Variants in IMMP2L observed in about 807,000 individuals in gnomAD.
The protein encoded by IMMP2L is inner mitochondrial membrane peptidase subunit 2, also known as mitochondrial inner membrane protease subunit 2.
IMMP2L carries 18 observed loss-of-function variants against 19.3 expected under a neutral mutation model. The observed-to-expected ratio is 0.93, with a 90% confidence interval of 0.64 to 1.38. IMMP2L has a LOEUF of 1.38. IMMP2L is among the 40% of genes most tolerant of loss of function. IMMP2L has a pLI of 0.00. For synonymous variants in IMMP2L, 76 were observed against 73.0 expected (o/e 1.04, Z -0.21); for missense variants, 233 against 218.2 (o/e 1.07, Z -0.43).
At chr7:110,703,221 TTA>T (rs1794407040) in intron 5 of IMMP2L, among the ~76,000 whole-genome samples, 1 of 152,176 alleles carries the variant, frequency 6.6e-6, no homozygotes, top group Non-Finnish European at 1.5e-5. Context: ...TCTCATTATG[TTA>T]ATATAAGTTA....
At chr7:111,500,157 T>C (rs1844041023) in intron 2 of IMMP2L, among the ~76,000 whole-genome samples, 1 of 152,130 alleles carries the variant, frequency 6.6e-6, no homozygotes, top group African/African-American at 2.4e-5. Flanking sequence ...CAGGAGATTA[T>C]ATCCCGCACC....
intron 3 of IMMP2L, among the ~76,000 whole-genome samples, chr7:111,142,325 CAAAAAAAAAAA>C (rs761556733): frequency 5.0e-4 from 31 of 62,476 alleles, no homozygotes; most frequent in African/African-American, 1.7e-3. Context: ...GACTCTGTCT[CAAAAAAAAAAA>C]AAAAAAAGAA....
chr7:111,033,955 T>C lies in IMMP2L; in HGVS notation c.240-70390A>G, dbSNP rs376259528. 3.3e-4 allele frequency among the ~76,000 whole-genome samples: 51 copies of C among 152,278 alleles called. 1 individual carries two copies. The South Asian group carries it at 9.9e-3, about 30-fold the overall frequency. Reference sequence around the variant, plus strand: ...AAAATAGATCACTGAGAATAAACTATAGTGACATAAAGCACATCAGTAGTT... The same window carrying C: ...AAAATAGATCACTGAGAATAAACTACAGTGACATAAAGCACATCAGTAGTT... On this transcript the variant is annotated intron_variant, in intron 3 of 5. Transcript: ENST00000405709.
intron 5 of IMMP2L, among the ~76,000 whole-genome samples, chr7:110,751,885 C>A (rs1169875750): frequency 6.6e-6 from 1 of 151,906 alleles, no homozygotes; most frequent in Non-Finnish European, 1.5e-5. Context: ...TAATCACATG[C>A]ATCCCAAAAC....
intron 5 of IMMP2L, among the ~76,000 whole-genome samples, chr7:110,737,536 G>C (rs1326759313): frequency 6.6e-6 from 1 of 152,290 alleles, no homozygotes; most frequent in East Asian, 1.9e-4. Flanking sequence ...AGAAGAGGTT[G>C]AGCTCAGACA....
At position 111,034,068 on chromosome 7, in the gene IMMP2L, A is replaced by G. The variant is rs186465938; in HGVS notation, c.240-70503T>C. On this transcript the variant is annotated intron_variant, in intron 3 of 5. Transcript: ENST00000405709. ...GTGACGTGAATGCTTTTTATGTTGA[A>G]TTTTTTATAATATATTGAAATGTAC... 3.0e-3 allele frequency among the ~76,000 whole-genome samples: 464 copies of G among 152,226 alleles called. 2 individuals carry two copies. The highest frequency in any genetic ancestry group is 0.011 in the African/African-American group (449 of 41,546).
chr7:111,302,396 T>C (rs906460406), intron 3 of IMMP2L, among the ~76,000 whole-genome samples: 1 of 152,132 alleles, frequency 6.6e-6, no homozygotes, highest in Non-Finnish European at 1.5e-5. Flanking sequence ...GCACATAGAA[T>C]AGTGCTTGAC....
intron 4 of IMMP2L, among the ~76,000 whole-genome samples, chr7:110,954,000 T>C (rs964334820): frequency 6.6e-6 from 1 of 152,144 alleles, no homozygotes; most frequent in Non-Finnish European, 1.5e-5. Context: ...CTTCGCCCAC[T>C]TTTTGATGGT....
Position 111,452,218 on chromosome 7 carries a change from G to A in IMMP2L, c.239+35020C>T, listed in dbSNP as rs575234145. Reference sequence around the variant, plus strand: ...CTACCATGACTATACATATGCATCAGGTTTAGTAAAGCAATTTATGATACA... The same window carrying A: ...CTACCATGACTATACATATGCATCAAGTTTAGTAAAGCAATTTATGATACA... On this transcript the variant is annotated intron_variant, in intron 3 of 5. Transcript: ENST00000405709. Among the ~76,000 whole-genome samples, 7 of 152,226 alleles carry A rather than the reference G, an allele frequency of 4.6e-5. No homozygotes were observed. In the South Asian group the frequency reaches 1.5e-3, roughly 32 times the overall value.
At chr7:111,239,113 T>C (rs569392302) in intron 3 of IMMP2L, among the ~76,000 whole-genome samples, 72 of 152,092 alleles carry the variant, frequency 4.7e-4, no homozygotes, top group African/African-American at 1.7e-3. Flanking sequence ...CTTTCTCATA[T>C]GTAAATCTGA....
At chr7:110,990,888 G>A (rs1356544094) in intron 3 of IMMP2L, among the ~76,000 whole-genome samples, 1 of 152,162 alleles carries the variant, frequency 6.6e-6, no homozygotes, top group African/African-American at 2.4e-5. Flanking sequence ...AAAATCTGAA[G>A]TGTTGCTGGC....
chr7:110,808,565 G>T (rs1423985259), intron 5 of IMMP2L, among the ~76,000 whole-genome samples: 1 of 152,076 alleles, frequency 6.6e-6, no homozygotes, highest in Non-Finnish European at 1.5e-5. Context: ...GGGGCATTTG[G>T]CTTCTCTTTG....
intron 5 of IMMP2L, among the ~76,000 whole-genome samples, chr7:110,819,419 A>T (rs757853671): frequency 1.3e-4 from 20 of 152,058 alleles, no homozygotes; most frequent in South Asian, 4.1e-4. Flanking sequence ...TGAAGTGCAG[A>T]AATGTCCCCA....
chr7:110,842,088 C>T (rs1039047173), intron 5 of IMMP2L, among the ~76,000 whole-genome samples: 2 of 151,994 alleles, frequency 1.3e-5, no homozygotes, highest in Non-Finnish European at 2.9e-5. Flanking sequence ...ATCTCAAGCC[C>T]AAAAGGATTA....
intron 3 of IMMP2L, among the ~76,000 whole-genome samples, chr7:111,167,255 T>C (rs920543933): frequency 6.6e-6 from 1 of 151,982 alleles, no homozygotes; most frequent in Non-Finnish European, 1.5e-5. Context: ...GAATATACAA[T>C]TTCAGCTACT....
intron 3 of IMMP2L, among the ~76,000 whole-genome samples, chr7:110,973,343 C>T (rs1039650051): frequency 6.6e-6 from 1 of 151,970 alleles, no homozygotes; most frequent in Non-Finnish European, 1.5e-5. Flanking sequence ...AAATTCCTAG[C>T]TGCCAGTGTT....
At chr7:111,041,389 C>T (rs1791881721) in intron 3 of IMMP2L, among the ~76,000 whole-genome samples, 1 of 151,952 alleles carries the variant, frequency 6.6e-6, no homozygotes, top group Non-Finnish European at 1.5e-5. Flanking sequence ...GTCTTTGTGG[C>T]AGCTCATTCT....
chr7:110,991,574 C>T (rs1822460330), intron 3 of IMMP2L, among the ~76,000 whole-genome samples: 1 of 151,954 alleles, frequency 6.6e-6, no homozygotes, highest in African/African-American at 2.4e-5. Context: ...CCATGCTGGC[C>T]CTCCTTCTGA....
chr7:111,560,165 C>T (rs1469103897), intron 1 of IMMP2L, among the ~76,000 whole-genome samples: 1 of 152,052 alleles, frequency 6.6e-6, no homozygotes, highest in African/African-American at 2.4e-5. Context: ...GTTAAGTGGT[C>T]ATCTGAAAGT....
Sources: gnomAD v4.1 joint callset for allele counts (sites outside exome capture counted in the v4.1 genomes callset) on GRCh38, gnomAD v4.1.1 for gene constraint, MANE v1.5 for transcripts, NCBI Gene and HGNC (gene_info 2026-07-23, HGNC 2026-07-21) for gene names.